PLEKHA7: variants seen among roughly 807,000 people sequenced by gnomAD.
PLEKHA7 encodes the protein pleckstrin homology domain containing A7, also known as pleckstrin homology domain-containing family A member 7.
In PLEKHA7, 104 loss-of-function variants were observed where a neutral mutation model predicts 170.0. The ratio of observed to expected loss-of-function variants is 0.61; its 90% confidence interval spans 0.52 to 0.72. The LOEUF (loss-of-function observed/expected upper bound fraction) is 0.72. Among genes scored for constraint, PLEKHA7 ranks in the 30% least tolerant of loss-of-function variants. The pLI, the probability that PLEKHA7 is intolerant of heterozygous loss-of-function variation, is 0.00. For missense variants in PLEKHA7, 1,615 were observed against 1,671.7 expected (o/e 0.97, Z 0.59); for synonymous variants, 648 against 660.8 (o/e 0.98, Z 0.30).
At chr11:16,857,417 C>G (rs889600270) in intron 4 of PLEKHA7, among the ~76,000 whole-genome samples, 1 of 152,264 alleles carries the variant, frequency 6.6e-6, no homozygotes, top group Non-Finnish European at 1.5e-5. Context: ...TTTGTTGCTG[C>G]TCCCCACTGG....
chr11:16,951,534 G>A (rs1262343723), intron 3 of PLEKHA7, among the ~76,000 whole-genome samples: 3 of 152,004 alleles, frequency 2.0e-5, no homozygotes, highest in Non-Finnish European at 4.4e-5. Context: ...GAGGCCCAGA[G>A]ATGATAAGTA....
intron 3 of PLEKHA7, among the ~76,000 whole-genome samples, chr11:16,875,353 A>T (rs59381740): frequency 0.17 from 25,033 of 148,150 alleles, 2,556 homozygotes; most frequent in Non-Finnish European, 0.24. Context: ...AGAATACTAA[A>T]TTTTTTTTTT....
intron 3 of PLEKHA7, among the ~76,000 whole-genome samples, chr11:17,010,395 AAAAAAGAAAG>A (rs1419084593): frequency 2.1e-5 from 1 of 47,304 alleles, no homozygotes; most frequent in Non-Finnish European, 4.6e-5. Flanking sequence ...TCTTTAAAAA[AAAAAAGAAAG>A]AAAAAGAAAA....
rs141899592 is a variant in PLEKHA7 at position 16,917,162 on chromosome 11, T to C, written c.222-45980A>G. Among the ~76,000 whole-genome samples the C allele has an allele frequency of 4.3e-3, 661 of 152,180 alleles. 4 individuals are homozygous for C. Among genetic ancestry groups the C allele is most frequent in the Middle Eastern group, 0.024 (7 of 294 alleles). The stretch of plus-strand genomic sequence containing the variant: ...TGAATCCAGGAGGTGGAATTTGCAG[T>C]GAGCCAAATTCACGCCACTGCCCTC... On this transcript the variant is annotated intron_variant, in intron 3 of 26. Transcript: ENST00000531066.
intron 3 of PLEKHA7, among the ~76,000 whole-genome samples, chr11:16,999,050 T>A (rs1462779743): frequency 1.3e-5 from 2 of 152,088 alleles, no homozygotes; most frequent in African/African-American, 4.8e-5. Context: ...ACACACCTAT[T>A]TGGCTGAGCA....
At chr11:16,910,588 G>A (rs1021683439) in intron 3 of PLEKHA7, among the ~76,000 whole-genome samples, 2 of 152,202 alleles carry the variant, frequency 1.3e-5, no homozygotes, top group African/African-American at 4.8e-5. Context: ...TGGGACAACT[G>A]GGTTGCAACT....
At chr11:16,881,617 C>T (rs972241274) in intron 3 of PLEKHA7, 1 of 152,226 alleles carries the variant, frequency 6.6e-6, no homozygotes, top group African/African-American at 2.4e-5. Context: ...TCCAATTCTT[C>T]CGTTCTTTGA....
intron 3 of PLEKHA7, among the ~76,000 whole-genome samples, chr11:16,892,437 T>G (rs145346069): frequency 0.26 from 26,815 of 102,316 alleles, 3,289 homozygotes; most frequent in Non-Finnish European, 0.33. Flanking sequence ...TGTGTGTGTT[T>G]TGTTTTGTTT....
intron 3 of PLEKHA7, 22 bp downstream of exon 3, chr11:17,013,967 C>A: frequency 6.5e-7 from 1 of 1,528,078 alleles, no homozygotes; most frequent in Non-Finnish European, 8.8e-7. Flanking sequence ...CAGGTGCGAG[C>A]GCGGCGGCCC....
At chr11:16,782,160 G>GAC (rs61710769) in intron 26 of PLEKHA7, among the ~76,000 whole-genome samples, 3 of 76,766 alleles carry the variant, frequency 3.9e-5, no homozygotes, top group African/African-American at 1.2e-4. Context: ...GAGACACACG[G>GAC]ACACACACAC....
intron 3 of PLEKHA7, among the ~76,000 whole-genome samples, chr11:16,951,032 T>G (rs898113331): frequency 6.6e-6 from 1 of 152,204 alleles, no homozygotes. Flanking sequence ...CCAACATCCT[T>G]CTATTCTTTT....
In PLEKHA7 at chr11:16,835,802, G is replaced by T. The variant is rs950294794; in HGVS notation, c.872+5745C>A. Among the ~76,000 whole-genome samples, 10 of 152,156 alleles carry T rather than the reference G, an allele frequency of 6.6e-5. No individual in the cohort carries two copies. In the South Asian group the frequency reaches 8.3e-4, roughly 13 times the overall value. On this transcript the variant is annotated intron_variant, in intron 9 of 26. Transcript: ENST00000531066. ...CTGGGAGGAGATACCTAAGGCAAAA[G>T]AAATAGGTATAACAGGAAGTGAGGG...
intron 24 of PLEKHA7, among the ~76,000 whole-genome samples, chr11:16,785,770 G>A (rs998560410): frequency 1.3e-5 from 2 of 152,084 alleles, no homozygotes; most frequent in African/African-American, 2.4e-5. Context: ...TGGAAATTTC[G>A]CCTGTGATTT....
chr11:16,842,088 T>C (rs2135271750), intron 8 of PLEKHA7, among the ~76,000 whole-genome samples: 1 of 152,348 alleles, frequency 6.6e-6, no homozygotes, highest in East Asian at 1.9e-4. Context: ...TGCTGAAGCC[T>C]GTGATTCCTG....
At chr11:17,009,846 C>A (rs1865219662) in intron 3 of PLEKHA7, among the ~76,000 whole-genome samples, 1 of 152,002 alleles carries the variant, frequency 6.6e-6, no homozygotes, top group African/African-American at 2.4e-5. Flanking sequence ...CCAGGCTGAT[C>A]TTGAACTCCT....
chr11:16,846,980 C>G (rs570939070), intron 8 of PLEKHA7, among the ~76,000 whole-genome samples: 1 of 151,300 alleles, frequency 6.6e-6, no homozygotes, highest in South Asian at 2.1e-4. Flanking sequence ...TAACCTGTCC[C>G]GAGGGCTCAG....
At chr11:16,982,546 G>A (rs772458875) in intron 3 of PLEKHA7, among the ~76,000 whole-genome samples, 26 of 152,214 alleles carry the variant, frequency 1.7e-4, no homozygotes, top group African/African-American at 5.1e-4. Flanking sequence ...AACCCTAGAC[G>A]AAAGCAGGAA....
chr11:16,800,640 G>C (rs1333424306), intron 17 of PLEKHA7, among the ~76,000 whole-genome samples: 1 of 152,198 alleles, frequency 6.6e-6, no homozygotes, highest in African/African-American at 2.4e-5. Context: ...GCCTAAGATG[G>C]GGCCAAGAAC....
intron 13 of PLEKHA7, among the ~76,000 whole-genome samples, chr11:16,805,824 A>C (rs1191505961): frequency 7.9e-5 from 12 of 151,938 alleles, no homozygotes; most frequent in Admixed American, 7.9e-4. Context: ...CAAAAACAAA[A>C]AAAACTGCTG....
Sources: gnomAD v4.1 joint callset for allele counts (sites outside exome capture counted in the v4.1 genomes callset) on GRCh38, gnomAD v4.1.1 for gene constraint, MANE v1.5 for transcripts, NCBI Gene and HGNC (gene_info 2026-07-23, HGNC 2026-07-21) for gene names.